SYTL4: variants seen among roughly 807,000 people sequenced by gnomAD.
SYTL4 encodes the protein synaptotagmin like 4.
Under a neutral mutation model 52.7 loss-of-function variants are expected in SYTL4, and 16 were observed. The ratio of observed to expected loss-of-function variants is 0.30; its 90% CI spans 0.21 to 0.46. The LOEUF is 0.46. SYTL4 is among the 20% of genes least tolerant of loss of function. The probability of loss-of-function intolerance (pLI) is 1.00; values close to 1 mark genes in which losing one functional copy is unlikely to be tolerated. For synonymous variants in SYTL4, 160 were observed against 186.6 expected, an observed-to-expected ratio of 0.86 and a Z score of 1.16; for missense variants, 423 against 519.9, an observed-to-expected ratio of 0.81 and a Z score of 1.81.
chrX:100,681,283 A>G lies in SYTL4; in HGVS notation c.1502T>C (p.Val501Ala), dbSNP rs2083369078. The G allele has an allele frequency of 8.3e-7, 1 of 1,209,135 alleles. No individual in the cohort carries two copies. The highest frequency in any genetic ancestry group is 1.8e-5 in the African/African-American group (1 of 56,889). The change falls in exon 17 of 20, where the codon GTT becomes GCT. Residue 501 changes from valine (V) to alanine (A), a missense_variant. By Grantham distance (64) the Val-to-Ala change is moderately conservative. Coordinates refer to ENST00000372989, the MANE Select transcript of SYTL4 (RefSeq NM_001370165.1). ...GLPSHKGELVVSLKYIPASKT... is the reference protein window; with the variant it reads ...GLPSHKGELVASLKYIPASKT... Reference sequence around the variant, plus strand: ...GGAGGCTGGGATGTATTTCAATGAAACCACCAACTCGCCTTTGTGTGATGG... The same window carrying G: ...GGAGGCTGGGATGTATTTCAATGAAGCCACCAACTCGCCTTTGTGTGATGG...
chrX:100,688,322 C>A (rs940948576), intron 13 of SYTL4, 29 bp downstream of exon 13: 2 of 1,166,475 alleles, frequency 1.7e-6, no homozygotes, highest in Non-Finnish European at 1.2e-6. Context: ...CCCCAACATG[C>A]CTGTAACCAC....
At chrX:100,698,016 ACTC>A (rs2083738955) in intron 8 of SYTL4, among the ~76,000 whole-genome samples, 1 of 112,428 alleles carries the variant, frequency 8.9e-6, no homozygotes, top group Admixed American at 9.4e-5. Flanking sequence ...TGAAGAAAGA[ACTC>A]ATCAAGGATA....
intron 8 of SYTL4, among the ~76,000 whole-genome samples, chrX:100,692,613 G>A (rs144603768): frequency 1.8e-5 from 2 of 111,128 alleles, no homozygotes; most frequent in Non-Finnish European, 1.9e-5. Flanking sequence ...ACGGTTCCTC[G>A]GCCCCTTACC....
chrX:100,691,009 C>T, intron 9 of SYTL4, 99 bp downstream of exon 9: 1 of 619,376 alleles, frequency 1.6e-6, no homozygotes, highest in Non-Finnish European at 2.6e-6. Flanking sequence ...GAAAATACTT[C>T]GTTCAACTTC....
At position 100,701,929 on chromosome X, in the gene SYTL4, T is replaced by G; in HGVS notation, c.109A>C (p.Arg37=). The change falls in exon 5 of 20, where the codon AGG becomes CGG. Residue 37 remains arginine (R), a splice_region_variant and synonymous_variant. Coordinates refer to ENST00000372989, the MANE Select transcript of SYTL4 (RefSeq NM_001370165.1). ...CCATGCGTTTTGGGGAACTCTTACC[T>G]AATCCTTTTCTCATCTGCTTTCCGG... ...EVRKADEKRI[R]RLKNELLEIK... The G allele has an allele frequency of 8.3e-7, 1 of 1,202,608 alleles. No homozygotes were observed. Among genetic ancestry groups the G allele is most frequent in the Non-Finnish European group, 1.1e-6 (1 of 887,850 alleles).
Position 100,676,196 on chromosome X carries a change from G to A in SYTL4, c.1868-20C>T. On this transcript the variant is annotated intron_variant, in intron 19 of 19. Transcript: ENST00000372989. ...TGATCCCTGAGGAGAAACACCAGAAGAGGCTAAAGAGGGGCCCCACTCTCA... is the reference window on the plus strand; with the variant it reads ...TGATCCCTGAGGAGAAACACCAGAAAAGGCTAAAGAGGGGCCCCACTCTCA... 1 of 1,209,431 alleles carries A rather than the reference G, an allele frequency of 8.3e-7. No individual in the cohort carries two copies. The highest frequency in any genetic ancestry group is 1.1e-6 in the Non-Finnish European group (1 of 894,400).
In SYTL4 at chrX:100,676,279, C is replaced by T. The variant is rs58715996; in HGVS notation, c.1868-103G>A. ...TTAGCCACCCCATAACAGTTTCCTA[C>T]GAAGATGGGCTAATGGCCACAGCAG... On this transcript the variant is annotated intron_variant, in intron 19 of 19. Transcript: ENST00000372989. 8.8e-4 allele frequency: 787 copies of T among 892,377 alleles called. 3 individuals are homozygous for T. The African/African-American group carries it at 0.014, about 16-fold the overall frequency. 73.5% of individuals were successfully genotyped at this position (892,377 alleles called of 1,213,427 possible). A position where few individuals can be genotyped will look rare whatever the true frequency, so the allele number is the denominator to read the frequency against.
chrX:100,697,060 AAGTG>A (rs1406135318), intron 8 of SYTL4, among the ~76,000 whole-genome samples: 1 of 112,395 alleles, frequency 8.9e-6, no homozygotes, highest in Non-Finnish European at 1.9e-5. Flanking sequence ...TTTGCAGATT[AAGTG>A]AGTGAGTAGT....
intron 2 of SYTL4, among the ~76,000 whole-genome samples, chrX:100,715,140 C>A (rs1016677839): frequency 5.4e-5 from 6 of 111,513 alleles, no homozygotes; most frequent in African/African-American, 2.0e-4. Context: ...CCCACCTCAG[C>A]CTCCCCAGTA....
At chrX:100,681,774 T>C (rs1443565796) in intron 16 of SYTL4, among the ~76,000 whole-genome samples, 1 of 112,326 alleles carries the variant, frequency 8.9e-6, no homozygotes, top group Non-Finnish European at 1.9e-5. Flanking sequence ...TGTCCTGGTA[T>C]GGCATATGGC....
Position 100,700,803 on chromosome X carries a change from A to G in SYTL4, c.539+94T>C, listed in dbSNP as rs754146168. ...CTTTTCAAGTTTTCCTATAATGAAC[A>G]TCTATTATTTTATAAACAGAAGAAG... is the stretch of plus-strand genomic sequence containing the variant. On this transcript the variant is annotated intron_variant, in intron 8 of 19. Transcript: ENST00000372989. The G allele has an allele frequency of 7.2e-5, 51 of 712,706 alleles. No homozygotes were observed. In the South Asian group the frequency reaches 1.3e-3, roughly 18 times the overall value. 58.7% of individuals were successfully genotyped at this position (712,706 alleles called of 1,213,427 possible).
rs745360884 is a variant in SYTL4 at position 100,689,867 on chromosome X, T to A, written c.901A>T (p.Asn301Tyr). The A allele has an allele frequency of 2.5e-6, 3 of 1,200,023 alleles. No individual in the cohort carries two copies. The Admixed American group carries it at 6.6e-5, about 26-fold the overall frequency. ...ATAAGGGCACCTACCATATCCACAT[T>A]GAGGCCTGGGACGGATTTGCTTCTG... ...GDRSKSVPGLNVDMEEEEEEE... is the reference protein window; with the variant it reads ...GDRSKSVPGLYVDMEEEEEEE... The change falls in exon 12 of 20, where the codon AAT (asparagine) becomes TAT (tyrosine). Residue 301 changes from asparagine to tyrosine, a missense_variant. Asn to Tyr is a moderately radical substitution (Grantham distance 143). Coordinates refer to ENST00000372989, the MANE Select transcript of SYTL4 (RefSeq NM_001370165.1).
In SYTL4 at chrX:100,679,343, G is replaced by A; in HGVS notation, c.1628C>T (p.Ala543Val). 8.3e-6 allele frequency: 10 copies of A among 1,211,182 alleles called. No homozygotes were observed. The highest frequency in any genetic ancestry group is 1.1e-5 in the Non-Finnish European group (10 of 895,082). ...KEAKNLTAAK[A>V]GGTSDSFVKG... The stretch of plus-strand genomic sequence containing the variant: ...GACAAAGCTGTCTGAAGTCCCTCCT[G>A]CTTTGGCAGCCGTCAAGTTCTTGGC... The change falls in exon 18 of 20, where the codon GCA becomes GTA. Residue 543 changes from alanine (A) to valine (V), a missense_variant. Transcript: ENST00000372989.
intron 2 of SYTL4, among the ~76,000 whole-genome samples, chrX:100,716,450 CAAAAAAAAAAA>C (rs200368843): frequency 3.1e-4 from 8 of 25,773 alleles, no homozygotes; most frequent in South Asian, 3.2e-3. Flanking sequence ...AACTCCATCT[CAAAAAAAAAAA>C]AAAAAAAAAA....
chrX:100,696,663 T>C (rs2083712173), intron 8 of SYTL4, among the ~76,000 whole-genome samples: 1 of 111,428 alleles, frequency 9.0e-6, no homozygotes, highest in South Asian at 3.8e-4. Context: ...GTATCATCCT[T>C]TAAAGAAAAA....
intron 2 of SYTL4, among the ~76,000 whole-genome samples, chrX:100,729,356 T>A (rs932224036): frequency 9.0e-6 from 1 of 111,086 alleles, no homozygotes; most frequent in African/African-American, 3.3e-5. Context: ...GCCCACAGGG[T>A]GTTTATGTTA....
At chrX:100,710,681 C>G (rs1569408718) in intron 2 of SYTL4, among the ~76,000 whole-genome samples, 1 of 112,055 alleles carries the variant, frequency 8.9e-6, no homozygotes, top group Non-Finnish European at 1.9e-5. Flanking sequence ...AAGGTGAGCC[C>G]TTTGATTTTC....
chrX:100,689,114 T>C (rs1602779508), intron 12 of SYTL4, among the ~76,000 whole-genome samples: 1 of 106,081 alleles, frequency 9.4e-6, no homozygotes, highest in South Asian at 4.3e-4. Flanking sequence ...GGCTCATGCC[T>C]GTAATTCCAG....
chrX:100,684,142 T>C (rs1220956315), intron 16 of SYTL4, among the ~76,000 whole-genome samples: 1 of 112,230 alleles, frequency 8.9e-6, no homozygotes, highest in African/African-American at 3.2e-5. Context: ...ATTTTGAACA[T>C]TTATCATTTT....
Sources: allele counts gnomAD v4.1 joint callset (sites outside exome capture counted in the v4.1 genomes callset), GRCh38; gene constraint gnomAD v4.1.1; transcripts MANE v1.5; gene names NCBI Gene and HGNC (gene_info 2026-07-23, HGNC 2026-07-21).